PKHD1L1: variants seen among roughly 807,000 people sequenced by gnomAD.
The protein encoded by PKHD1L1 is fibrocystin-L.
Under a neutral mutation model 462.9 loss-of-function variants are expected in PKHD1L1, and 434 were observed. The ratio of observed to expected loss-of-function variants is 0.94; its 90% CI spans 0.87 to 1.02. The LOEUF is 1.02. PKHD1L1 is among the 50% of genes least tolerant of loss of function. PKHD1L1 has a pLI of 0.00. For missense variants in PKHD1L1, 5,202 were observed against 5,096.1 expected, an observed-to-expected ratio of 1.02 and a Z score of -0.63; for synonymous variants, 1,781 against 1,750.0, an observed-to-expected ratio of 1.02 and a Z score of -0.44.
At chr8:109,435,161 T>C (rs1815334543) in intron 28 of PKHD1L1, 29 bp from the exon 29 acceptor site, 1 of 1,610,114 alleles carries the variant, frequency 6.2e-7, no homozygotes, top group African/African-American at 1.3e-5. Flanking sequence ...GATTTACCAT[T>C]TTCTTCATCT....
chr8:109,502,047 C>CCCACACCACA (rs369417725), intron 67 of PKHD1L1, among the ~76,000 whole-genome samples: 14 of 151,816 alleles, frequency 9.2e-5, no homozygotes, highest in East Asian at 3.9e-4. Context: ...GAAAGATCTT[C>CCCACACCACA]CCACACCACA....
rs766996264 is a variant in PKHD1L1 at position 109,481,591 on chromosome 8, A to G, written c.9457+29A>G. ...TGTGTCTACAGATACCAAAAGTGTC[A>G]CATCTGTTTTAAGAATCTACTTTAA... On this transcript the variant is annotated intron_variant, in intron 56 of 77. Coordinates refer to ENST00000378402, the MANE Select transcript of PKHD1L1 (RefSeq NM_177531.6). 2.6e-6 allele frequency: 4 copies of G among 1,522,386 alleles called. No homozygotes were observed. In the East Asian group the frequency reaches 7.1e-5, roughly 27 times the overall value. 94.3% of individuals were successfully genotyped at this position (1,522,386 alleles called of 1,614,324 possible). A position where few individuals can be genotyped will look rare whatever the true frequency, so the allele number is the denominator to read the frequency against.
chr8:109,454,168 T>A lies in PKHD1L1; in HGVS notation c.6666T>A (p.Gly2222=). 1 of 1,601,282 alleles carries A rather than the reference T, an allele frequency of 6.2e-7. No homozygotes were observed. Among genetic ancestry groups the A allele is most frequent in the Middle Eastern group, 1.7e-4 (1 of 6,026 alleles). ...ATTTCAAAATTGTATGATTCATAGG[T>A]GGGACTCTAATATTTGATGAAGCTG... ...TPILKMLLIQ[G]GTLIFDEADI... is the part of the protein sequence containing the mutation. Residue 2222 remains glycine (G), a splice_region_variant and synonymous_variant, in exon 44 of 78, where the codon GGT becomes GGA. Coordinates refer to ENST00000378402, the MANE Select transcript of PKHD1L1 (RefSeq NM_177531.6).
chr8:109,451,231 T>C lies in PKHD1L1; in HGVS notation c.6350+82T>C, dbSNP rs1449456920. The C allele has an allele frequency of 4.3e-6, 6 of 1,404,608 alleles. No individual in the cohort carries two copies. In the Middle Eastern group the frequency reaches 1.0e-3, roughly 243 times the overall value. The allele number at this position is 1,404,608 out of a possible 1,614,324, so 87.0% of individuals were successfully genotyped here. A position where few individuals can be genotyped will look rare whatever the true frequency, so the allele number is the denominator to read the frequency against. On this transcript the variant is annotated intron_variant, in intron 41 of 77. Coordinates refer to ENST00000378402, the MANE Select transcript of PKHD1L1 (RefSeq NM_177531.6). ...CCTGCTTTCTCCTATGCCCGGACAG[T>C]GCAGAAATACAGTCATGCAATGTGT...
At chr8:109,477,916 A>G (rs1818076155) in intron 53 of PKHD1L1, among the ~76,000 whole-genome samples, 3 of 152,182 alleles carry the variant, frequency 2.0e-5, no homozygotes, top group African/African-American at 7.2e-5. Context: ...TAACTTACAT[A>G]GCTCTTTACC....
chr8:109,492,125 A>ATTTT, intron 62 of PKHD1L1, 131 bp downstream of exon 62: 1 of 500,964 alleles, frequency 2.0e-6, no homozygotes, highest in African/African-American at 2.4e-5. Flanking sequence ...ATGGCCATTG[A>ATTTT]TTTTTTTTTT....
intron 37 of PKHD1L1, 45 bp from the exon 38 acceptor site, chr8:109,444,616 A>C (rs775493317): frequency 6.6e-7 from 1 of 1,523,276 alleles, no homozygotes; most frequent in Admixed American, 1.9e-5. Context: ...TTTATACTGG[A>C]GGTATGTATT....
In PKHD1L1 at chr8:109,388,515, GC is replaced by G; in HGVS notation, c.591del (p.Cys198ValfsTer14). On this transcript the variant is annotated frameshift_variant, in exon 7 of 78. Coordinates refer to ENST00000378402, the MANE Select transcript of PKHD1L1 (RefSeq NM_177531.6). LOFTEE classifies it high-confidence loss of function. ...TGTACAGAGTTTACATTGGAGGAAT[GC>G]CCTGTGAGCTTCTCATACCACAATC... ...RILRVYIGGM[P>X]CELLIPQSDN... is the part of the protein sequence containing the mutation. The G allele has an allele frequency of 6.6e-7, 1 of 1,518,416 alleles. No individual in the cohort carries two copies. Among genetic ancestry groups the G allele is most frequent in the South Asian group, 1.2e-5 (1 of 82,794 alleles). 94.1% of individuals were successfully genotyped at this position (1,518,416 alleles called of 1,614,324 possible).
chr8:109,371,332 C>A (rs557824280), intron 2 of PKHD1L1, among the ~76,000 whole-genome samples: 135 of 152,170 alleles, frequency 8.9e-4, no homozygotes, highest in African/African-American at 2.3e-3. Context: ...ATATCCTTTG[C>A]CCACTTTTTG....
chr8:109,437,617 C>CT (rs1815503505), intron 30 of PKHD1L1, among the ~76,000 whole-genome samples: 2 of 151,174 alleles, frequency 1.3e-5, no homozygotes, highest in South Asian at 2.1e-4. Context: ...CTGTCACTGA[C>CT]TTTTTTTAAA....
intron 21 of PKHD1L1, among the ~76,000 whole-genome samples, chr8:109,414,921 A>G (rs994990506): frequency 2.0e-5 from 3 of 151,486 alleles, no homozygotes; most frequent in Non-Finnish European, 4.4e-5. Flanking sequence ...TGCTGCTCAA[A>G]TCTGCAATTT....
intron 40 of PKHD1L1, 61 bp downstream of exon 40, chr8:109,449,548 T>C: frequency 7.1e-7 from 1 of 1,404,364 alleles, no homozygotes; most frequent in Admixed American, 2.6e-5. Flanking sequence ...TAAAGATCAG[T>C]TAATTTCTTT....
chr8:109,410,173 G>T (rs539100823), intron 19 of PKHD1L1, among the ~76,000 whole-genome samples, 195 bp downstream of exon 19: 1 of 152,262 alleles, frequency 6.6e-6, no homozygotes, highest in East Asian at 1.9e-4. Flanking sequence ...TGATTCGTTT[G>T]TTAAAAAATT....
chr8:109,419,289 A>T (rs767336117), intron 22 of PKHD1L1, 29 bp downstream of exon 22: 4 of 1,516,144 alleles, frequency 2.6e-6, no homozygotes, highest in African/African-American at 1.4e-5. Flanking sequence ...TCTCTGCTTT[A>T]ATCTAAATAT....
At chr8:109,507,472 C>A (rs765960393) in intron 68 of PKHD1L1, among the ~76,000 whole-genome samples, 191 bp from the exon 69 acceptor site, 3 of 151,938 alleles carry the variant, frequency 2.0e-5, no homozygotes, top group Non-Finnish European at 4.4e-5. Flanking sequence ...AATCATAGAC[C>A]AAATCAACAC....
intron 2 of PKHD1L1, among the ~76,000 whole-genome samples, chr8:109,380,837 A>G (rs1184349319): frequency 6.6e-6 from 1 of 152,158 alleles, no homozygotes; most frequent in Admixed American, 6.5e-5. Context: ...TAGAAACTTG[A>G]AACAAAGACC....
At position 109,493,690 on chromosome 8, in the gene PKHD1L1, G is replaced by A. The variant is rs1238207260; in HGVS notation, c.10266G>A (p.Gln3422=). The A allele has an allele frequency of 3.7e-6, 6 of 1,608,988 alleles. No individual in the cohort carries two copies. The South Asian group carries it at 4.4e-5, about 12-fold the overall frequency. The change falls in exon 63 of 78, where the codon CAG becomes CAA. Residue 3422 remains glutamine, a synonymous_variant. Coordinates refer to ENST00000378402, the MANE Select transcript of PKHD1L1 (RefSeq NM_177531.6). ...ATAGAGGGACCAATACAGTTTTACA[G>A]AATAATGTAGTGGCTGGATTTGGAA... The part of the protein sequence containing the change: ...EINRGTNTVL[Q]NNVVAGFGRA...
chr8:109,525,202 A>G (rs1473042445), intron 76 of PKHD1L1, among the ~76,000 whole-genome samples: 14 of 152,174 alleles, frequency 9.2e-5, no homozygotes, highest in Admixed American at 9.2e-4. Flanking sequence ...AGCTCCATAA[A>G]GAGCAAAGCA....
chr8:109,514,325 T>G (rs1192275077), intron 71 of PKHD1L1, among the ~76,000 whole-genome samples: 1 of 152,194 alleles, frequency 6.6e-6, no homozygotes, highest in East Asian at 1.9e-4. Context: ...TCCACAGGAT[T>G]CATCACCATC....
Sources: gnomAD v4.1 joint callset for allele counts (sites outside exome capture counted in the v4.1 genomes callset) on GRCh38, gnomAD v4.1.1 for gene constraint, MANE v1.5 for transcripts, NCBI Gene and HGNC (gene_info 2026-07-23, HGNC 2026-07-21) for gene names.